Variants in RGS6 observed in about 807,000 individuals in gnomAD.
The protein encoded by RGS6 is regulator of G protein signaling 6, also known as regulator of G-protein signaling 6.
In RGS6, 30 loss-of-function variants were observed where a neutral mutation model predicts 78.5. The ratio of observed to expected loss-of-function variants is 0.38; its 90% CI spans 0.29 to 0.52. The LOEUF (loss-of-function observed/expected upper bound fraction) is 0.52, where lower values mean the gene tolerates loss of function less well. Ranked by LOEUF, RGS6 falls within the 20% of genes least tolerant of loss-of-function variation. The probability of loss-of-function intolerance (pLI) is 0.85; values close to 1 mark genes in which losing one functional copy is unlikely to be tolerated. For missense variants in RGS6, 495 were observed against 609.7 expected (o/e 0.81, Z 1.98); for synonymous variants, 206 against 206.0 (o/e 1.00, Z 0.00).
At chr14:72,044,954 G>A (rs934588309) in intron 2 of RGS6, among the ~76,000 whole-genome samples, 4 of 152,204 alleles carry the variant, frequency 2.6e-5, no homozygotes, top group Non-Finnish European at 4.4e-5. Context: ...TCTTGTATCT[G>A]CAGTCCCGCA....
chr14:72,036,455 C>T (rs1024782790), intron 2 of RGS6, among the ~76,000 whole-genome samples: 1 of 152,002 alleles, frequency 6.6e-6, no homozygotes, highest in Non-Finnish European at 1.5e-5. Context: ...GGTAGATGTG[C>T]CTGTAACTTT....
chr14:72,240,662 C>T (rs1387570201), intron 2 of RGS6, among the ~76,000 whole-genome samples: 2 of 152,128 alleles, frequency 1.3e-5, no homozygotes, highest in African/African-American at 4.8e-5. Flanking sequence ...CTTAAGCTTC[C>T]TTCTCAATAT....
chr14:72,086,211 C>T (rs1165539992), intron 2 of RGS6, among the ~76,000 whole-genome samples: 3 of 152,358 alleles, frequency 2.0e-5, no homozygotes, highest in South Asian at 2.1e-4. Flanking sequence ...CTACTGATAA[C>T]ATGATGGGAG....
intron 1 of RGS6, among the ~76,000 whole-genome samples, chr14:71,948,740 C>CTTTT (rs71305831): frequency 5.7e-4 from 37 of 65,160 alleles, no homozygotes; most frequent in South Asian, 9.0e-4. Context: ...CTCTCTCTCT[C>CTTTT]TTTTTTTTTT....
intron 3 of RGS6, among the ~76,000 whole-genome samples, chr14:72,387,740 A>G (rs1404818871): frequency 1.3e-5 from 2 of 152,194 alleles, no homozygotes; most frequent in Admixed American, 6.5e-5. Context: ...GAGATGGAGT[A>G]TTAGTTTGCC....
Position 72,297,244 on chromosome 14 carries a change from T to C in RGS6, c.85-54851T>C, listed in dbSNP as rs1041704363. Among the ~76,000 whole-genome samples the C allele has an allele frequency of 5.9e-5, 9 of 152,224 alleles. No homozygotes were observed. The East Asian group carries it at 1.7e-3, about 29-fold the overall frequency. On this transcript the variant is annotated intron_variant, in intron 2 of 17. Transcript: ENST00000553525. The stretch of plus-strand genomic sequence containing the variant: ...TTTGTTCTTCTATTTCAAGAATGTT[T>C]GGGCTATTCTAGGTCCTTTGCATTT...
At chr14:72,559,210 G>A (rs763421834) in intron 17 of RGS6, among the ~76,000 whole-genome samples, 2 of 152,196 alleles carry the variant, frequency 1.3e-5, no homozygotes, top group Non-Finnish European at 2.9e-5. Flanking sequence ...TGGGCACAGC[G>A]GATTCCTCGG....
At chr14:72,508,561 CCTTTTTTTTT>C (rs1414732093) in intron 13 of RGS6, among the ~76,000 whole-genome samples, 1,655 of 92,628 alleles carry the variant, frequency 0.018, 32 homozygotes, top group African/African-American at 0.064. Context: ...CACACAAGCT[CCTTTTTTTTT>C]TTTTTTTTTT....
chr14:72,332,811 A>G (rs1055154680), intron 2 of RGS6, among the ~76,000 whole-genome samples: 25 of 152,350 alleles, frequency 1.6e-4, no homozygotes, highest in African/African-American at 6.0e-4. Flanking sequence ...ACAGCATTCC[A>G]TATATCTCCC....
At chr14:72,116,867 G>T (rs2095900005) in intron 2 of RGS6, among the ~76,000 whole-genome samples, 1 of 151,172 alleles carries the variant, frequency 6.6e-6, no homozygotes, top group Non-Finnish European at 1.5e-5. Context: ...GGGAGGCTGA[G>T]GCAGGAGAAT....
At chr14:72,055,770 T>G (rs1436764720) in intron 2 of RGS6, among the ~76,000 whole-genome samples, 1 of 152,206 alleles carries the variant, frequency 6.6e-6, no homozygotes, top group African/African-American at 2.4e-5. Context: ...CTGATATTGT[T>G]AATTGTTCTT....
At chr14:72,302,038 T>G (rs2066179789) in intron 2 of RGS6, among the ~76,000 whole-genome samples, 1 of 152,240 alleles carries the variant, frequency 6.6e-6, no homozygotes, top group Non-Finnish European at 1.5e-5. Context: ...TGAACAGATT[T>G]GGAAATCTAG....
chr14:72,435,105 C>T (rs1555399265), intron 3 of RGS6, among the ~76,000 whole-genome samples: 1 of 152,214 alleles, frequency 6.6e-6, no homozygotes, highest in Non-Finnish European at 1.5e-5. Flanking sequence ...TATCTTTCAG[C>T]TAACATAGGC....
chr14:71,889,587 G>C, the RGS6 span, among the ~76,000 whole-genome samples: 1 of 152,184 alleles, frequency 6.6e-6, no homozygotes, highest in Non-Finnish European at 1.5e-5. Flanking sequence ...TGCTTCGTCA[G>C]AGAGGGGATA....
chr14:72,529,656 CT>C (rs1423162660), intron 15 of RGS6, among the ~76,000 whole-genome samples: 1 of 152,078 alleles, frequency 6.6e-6, no homozygotes, highest in Non-Finnish European at 1.5e-5. Context: ...AGACCCCCCC[CT>C]CCCTGCAATC....
chr14:72,006,229 G>A (rs928608272), intron 2 of RGS6, among the ~76,000 whole-genome samples: 1 of 152,078 alleles, frequency 6.6e-6, no homozygotes, highest in South Asian at 2.1e-4. Context: ...TTCTCCTTAT[G>A]TTTATTATGC....
At chr14:72,210,730 T>A (rs2153754965) in intron 2 of RGS6, among the ~76,000 whole-genome samples, 1 of 152,308 alleles carries the variant, frequency 6.6e-6, no homozygotes, top group South Asian at 2.1e-4. Flanking sequence ...CACTCTGCTT[T>A]GTCCTGAATT....
At chr14:72,255,107 G>A (rs768466591) in intron 2 of RGS6, among the ~76,000 whole-genome samples, 3 of 152,200 alleles carry the variant, frequency 2.0e-5, no homozygotes, top group Admixed American at 6.5e-5. Flanking sequence ...GGAGATGGGG[G>A]ATGGTAGGGA....
Position 71,932,713 on chromosome 14 carries a change from C to T in RGS6, c.-249C>T, listed in dbSNP as rs1311959501. On this transcript the variant is annotated 5_prime_UTR_variant, in exon 1 of 18. Transcript: ENST00000553525. ...GCGTCCTCGCGGGCCCGGGGCTTCG[C>T]TCTTCGCTCGCTGAGCCCCTGCGCT... is the stretch of plus-strand genomic sequence containing the variant. The T allele has an allele frequency of 3.9e-5, 6 of 152,278 alleles. No individual in the cohort carries two copies. The highest frequency in any genetic ancestry group is 1.4e-4 in the African/African-American group (6 of 41,470). The allele number at this position is 152,278 out of a possible 1,614,324, so 9.4% of individuals were successfully genotyped here.
Sources: gnomAD v4.1 joint callset for allele counts (sites outside exome capture counted in the v4.1 genomes callset) on GRCh38, gnomAD v4.1.1 for gene constraint, MANE v1.5 for transcripts, NCBI Gene and HGNC (gene_info 2026-07-23, HGNC 2026-07-21) for gene names.